TENM2: variants seen among roughly 807,000 people sequenced by gnomAD.
TENM2 encodes the protein teneurin transmembrane protein 2.
Under a neutral mutation model 245.2 loss-of-function variants are expected in TENM2, and 52 were observed. The ratio of observed to expected loss-of-function variants is 0.21; its 90% CI spans 0.17 to 0.27. The LOEUF is 0.27. Among genes scored for constraint, TENM2 ranks in the 10% least tolerant of loss-of-function variants. The pLI is 1.00. For synonymous variants in TENM2, 1,363 were observed against 1,438.9 expected, an observed-to-expected ratio of 0.95 and a Z score of 1.19; for missense variants, 3,046 against 3,666.8, an observed-to-expected ratio of 0.83 and a Z score of 4.37.
intron 1 of TENM2, among the ~76,000 whole-genome samples, chr5:167,350,699 T>TAC (rs1357193025): frequency 5.7e-5 from 8 of 141,518 alleles, no homozygotes; most frequent in Admixed American, 1.4e-4. Context: ...ATGGGATACA[T>TAC]ATATGGATAT....
chr5:167,258,890 C>T, the TENM2 span, among the ~76,000 whole-genome samples: 2 of 152,036 alleles, frequency 1.3e-5, no homozygotes, highest in African/African-American at 4.8e-5. Flanking sequence ...TTTTTACTAA[C>T]GATTTCTGAA....
chr5:168,196,893 G>A (rs1761477992), intron 15 of TENM2, among the ~76,000 whole-genome samples: 1 of 152,168 alleles, frequency 6.6e-6, no homozygotes, highest in African/African-American at 2.4e-5. Context: ...TGCTTCCTGA[G>A]TAATTATGCC....
At chr5:168,099,694 T>A (rs1322142039) in intron 9 of TENM2, among the ~76,000 whole-genome samples, 1 of 152,198 alleles carries the variant, frequency 6.6e-6, no homozygotes, top group African/African-American at 2.4e-5. Context: ...CTCACCGCAA[T>A]TGCTCTGAAA....
the TENM2 span, among the ~76,000 whole-genome samples, chr5:167,069,203 G>A: frequency 6.6e-6 from 1 of 152,148 alleles, no homozygotes; most frequent in African/African-American, 2.4e-5. Flanking sequence ...GGAGCTGGTA[G>A]TTTGAATGAA....
chr5:167,530,535 T>A (rs1771419785), intron 2 of TENM2, among the ~76,000 whole-genome samples: 1 of 152,200 alleles, frequency 6.6e-6, no homozygotes, highest in Non-Finnish European at 1.5e-5. Context: ...AAAATGGCAG[T>A]TATCAGCAGA....
At chr5:167,788,549 A>G (rs1240352916) in intron 2 of TENM2, among the ~76,000 whole-genome samples, 1 of 152,248 alleles carries the variant, frequency 6.6e-6, no homozygotes, top group Non-Finnish European at 1.5e-5. Flanking sequence ...AGAAGATCTC[A>G]GAAATAAGGA....
intron 5 of TENM2, among the ~76,000 whole-genome samples, chr5:167,996,361 A>G (rs527557286): frequency 6.6e-6 from 1 of 152,246 alleles, no homozygotes; most frequent in South Asian, 2.1e-4. Flanking sequence ...CAGCGTACAA[A>G]CATCCTGGAA....
At chr5:167,902,523 C>T (rs1054869983) in intron 3 of TENM2, among the ~76,000 whole-genome samples, 1 of 152,186 alleles carries the variant, frequency 6.6e-6, no homozygotes, top group African/African-American at 2.4e-5. Flanking sequence ...TCCTAACTCA[C>T]TTCCTGGGGC....
intron 13 of TENM2, among the ~76,000 whole-genome samples, chr5:168,181,636 T>TCTTCCAGA (rs1215385689): frequency 6.6e-6 from 1 of 151,812 alleles, no homozygotes; most frequent in Non-Finnish European, 1.5e-5. Flanking sequence ...CAACAGGTCT[T>TCTTCCAGA]CTTCCAGAAG....
chr5:167,082,792 T>G, the TENM2 span, among the ~76,000 whole-genome samples: 129 of 152,268 alleles, frequency 8.5e-4, 1 homozygote, highest in African/African-American at 3.0e-3. Flanking sequence ...AATTAATTTA[T>G]TTTTACAATT....
the TENM2 span, among the ~76,000 whole-genome samples, chr5:167,014,821 A>G: frequency 6.6e-6 from 1 of 152,312 alleles, no homozygotes; most frequent in Non-Finnish European, 1.5e-5. Context: ...AACACTATCA[A>G]TCCCAGAAGT....
At chr5:167,958,397 A>C (rs558467067) in intron 4 of TENM2, among the ~76,000 whole-genome samples, 1 of 152,276 alleles carries the variant, frequency 6.6e-6, no homozygotes, top group African/African-American at 2.4e-5. Context: ...AGGTCTCCTG[A>C]ATACAGCACA....
chr5:167,265,154 C>A, the TENM2 span, among the ~76,000 whole-genome samples: 1 of 150,782 alleles, frequency 6.6e-6, no homozygotes, highest in Non-Finnish European at 1.5e-5. Context: ...GGTGAAACCC[C>A]GTCTCTACTA....
chr5:167,959,734 G>C (rs542299397), intron 4 of TENM2, among the ~76,000 whole-genome samples: 1 of 152,108 alleles, frequency 6.6e-6, no homozygotes, highest in African/African-American at 2.4e-5. Context: ...ATTGAGTTTT[G>C]TTCCCTTGCT....
intron 2 of TENM2, among the ~76,000 whole-genome samples, chr5:167,528,461 G>A (rs1223726162): frequency 1.3e-5 from 2 of 152,030 alleles, no homozygotes; most frequent in East Asian, 3.9e-4. Flanking sequence ...ATCTGCGTCT[G>A]GGTAATTTCA....
At chr5:167,996,319 C>G (rs1784044958) in intron 5 of TENM2, among the ~76,000 whole-genome samples, 1 of 152,080 alleles carries the variant, frequency 6.6e-6, no homozygotes, top group African/African-American at 2.4e-5. Context: ...TGATCTGCTC[C>G]TCCATCAGAC....
At chr5:168,135,472 A>G (rs879256482) in intron 12 of TENM2, among the ~76,000 whole-genome samples, 3 of 152,182 alleles carry the variant, frequency 2.0e-5, no homozygotes, top group Non-Finnish European at 4.4e-5. Context: ...GCCAGTCAAA[A>G]ATGGGGTTTA....
At chr5:167,270,941 A>T in the TENM2 span, among the ~76,000 whole-genome samples, 1 of 152,164 alleles carries the variant, frequency 6.6e-6, no homozygotes, top group African/African-American at 2.4e-5. Context: ...AATTAGTGAT[A>T]ACTTACTTTA....
chr5:167,995,004 A>G (rs983360176), intron 5 of TENM2, among the ~76,000 whole-genome samples: 19 of 152,182 alleles, frequency 1.2e-4, no homozygotes, highest in Non-Finnish European at 2.5e-4. Flanking sequence ...GTTTTGTGTC[A>G]GAAACTTCAG....
Sources: gnomAD v4.1 joint callset for allele counts (sites outside exome capture counted in the v4.1 genomes callset) on GRCh38, gnomAD v4.1.1 for gene constraint, MANE v1.5 for transcripts, NCBI Gene and HGNC (gene_info 2026-07-23, HGNC 2026-07-21) for gene names.